ZNF33B: variants seen among roughly 807,000 people sequenced by gnomAD.
The protein encoded by ZNF33B is zinc finger protein 11b (KOX 2).
Under a neutral mutation model 45.8 loss-of-function variants are expected in ZNF33B, and 29 were observed. That is an observed-to-expected ratio of 0.63 (90% CI 0.47 to 0.86). The LOEUF is 0.86. Ranked by LOEUF, ZNF33B falls within the 40% of genes least tolerant of loss-of-function variation. The pLI is 0.00. For missense variants in ZNF33B, 831 were observed against 909.9 expected (o/e 0.91, Z 1.12); for synonymous variants, 305 against 307.8 (o/e 0.99, Z 0.10).
intron 4 of ZNF33B, among the ~76,000 whole-genome samples, chr10:42,614,070 A>C (rs1838212570): frequency 6.6e-6 from 1 of 152,244 alleles, no homozygotes; most frequent in African/African-American, 2.4e-5. Context: ...AATAGGAAGA[A>C]GATGTAACTT....
rs1399664859 is a variant in ZNF33B at position 42,616,517 on chromosome 10, CA to C, written c.250+15411del. On this transcript the variant is annotated intron_variant, in intron 4 of 4. Coordinates refer to ENST00000359467, the MANE Select transcript of ZNF33B (RefSeq NM_006955.3). The stretch of plus-strand genomic sequence containing the variant: ...TACAGATAATCAAATCGTCTGCACA[CA>C]AAATGAAAATTTGACTTCCCAACCT... Among the ~76,000 whole-genome samples, 3 of 152,208 alleles carry C rather than the reference CA, an allele frequency of 2.0e-5. No homozygotes were observed. In the East Asian group the frequency reaches 5.8e-4, roughly 29 times the overall value.
rs559548653 is a variant in ZNF33B, at chr10:42,605,104, C to A, written c.251-10405G>T. 2.0e-5 allele frequency: 3 copies of A among 151,502 alleles called. No individual in the cohort carries two copies. The East Asian group carries it at 5.8e-4, about 29-fold the overall frequency. 9.4% of individuals were successfully genotyped at this position (151,502 alleles called of 1,614,324 possible). Reference sequence around the variant, plus strand: ...CACCAATATATTCATAATAGAAGTACCAGAAGGAGGGGAAAAATATCAAGT... The same window carrying A: ...CACCAATATATTCATAATAGAAGTAACAGAAGGAGGGGAAAAATATCAAGT... On this transcript the variant is annotated intron_variant, in intron 4 of 4. Coordinates refer to ENST00000359467, the MANE Select transcript of ZNF33B (RefSeq NM_006955.3).
Position 42,632,345 on chromosome 10 carries a change from G to A in ZNF33B, c.104C>T (p.Ala35Val), listed in dbSNP as rs746703337. ...CTCCAGCATCACATCTCTATACAGA[G>A]CCCTCTGACTAGGGTCCAGGTGCTG... Reference protein sequence around the residue: ...EWQHLDPSQRALYRDVMLENY... With the variant: ...EWQHLDPSQRVLYRDVMLENY... The change falls in exon 3 of 5, where the codon GCT (alanine) becomes GTT (valine). Residue 35 changes from alanine (A) to valine (V), a missense_variant. Physicochemically the swap from Ala to Val is moderately conservative, Grantham distance 64. Transcript: ENST00000359467. 2.5e-6 allele frequency: 4 copies of A among 1,613,634 alleles called. No homozygotes were observed. Among genetic ancestry groups the A allele is most frequent in the Non-Finnish European group, 3.4e-6 (4 of 1,179,906 alleles).
chr10:42,633,357 G>C (rs888856036), intron 2 of ZNF33B, among the ~76,000 whole-genome samples: 2 of 152,158 alleles, frequency 1.3e-5, no homozygotes, highest in African/African-American at 4.8e-5. Flanking sequence ...AAAAGGGAGA[G>C]CCAAAGATGA....
chr10:42,606,772 C>T (rs1020978497), intron 4 of ZNF33B, among the ~76,000 whole-genome samples: 15 of 142,206 alleles, frequency 1.1e-4, no homozygotes, highest in East Asian at 6.3e-4. Context: ...CCATGTTCTG[C>T]ACATGTATCA....
chr10:42,621,561 A>G (rs186642504), intron 4 of ZNF33B, among the ~76,000 whole-genome samples: 3 of 152,178 alleles, frequency 2.0e-5, no homozygotes, highest in Non-Finnish European at 2.9e-5. Flanking sequence ...AAAAGAAAAG[A>G]AAATGAATGT....
chr10:42,593,680 G>A lies in ZNF33B; in HGVS notation c.1270C>T (p.Gln424Ter). The stretch of plus-strand genomic sequence containing the variant: ...TGATGTTTAGTGAGGTCAGATTTCT[G>A]GTAAAAAGTTTTCCCACATGCATTA... ...QCNACGKTFY[Q>*]KSDLTKHQRT... is the part of the protein sequence containing the mutation. Residue 424 changes from glutamine to a stop codon, truncating the protein, a stop_gained, in exon 5 of 5, where the codon CAG (glutamine) becomes TAG (stop). Coordinates refer to ENST00000359467, the MANE Select transcript of ZNF33B (RefSeq NM_006955.3). LOFTEE classifies it high-confidence loss of function. 5 of 1,613,374 alleles carry A rather than the reference G, an allele frequency of 3.1e-6. No homozygotes were observed. The highest frequency in any genetic ancestry group is 4.2e-6 in the Non-Finnish European group (5 of 1,179,562).
At chr10:42,598,760 G>A (rs1283166619) in intron 4 of ZNF33B, among the ~76,000 whole-genome samples, 1 of 152,118 alleles carries the variant, frequency 6.6e-6, no homozygotes, top group African/African-American at 2.4e-5. Flanking sequence ...TTGGTCATGA[G>A]GTATTAATAA....
chr10:42,631,001 G>T (rs908459770), intron 4 of ZNF33B, among the ~76,000 whole-genome samples: 1 of 152,064 alleles, frequency 6.6e-6, no homozygotes, highest in Admixed American at 6.6e-5. Flanking sequence ...GCTGAAAAGA[G>T]GCAGAATCCT....
Position 42,591,029 on chromosome 10 carries a change from G to C in ZNF33B, c.*1584C>G, listed in dbSNP as rs1837099879. ...AGGGTCACCAGACTGTAAAATCTTA[G>C]ATTATTTGTATGATCTGATCATGTA... On this transcript the variant is annotated 3_prime_UTR_variant, in exon 5 of 5. Transcript: ENST00000359467. The C allele has an allele frequency of 5.5e-6, 1 of 183,454 alleles. No individual in the cohort carries two copies. Among genetic ancestry groups the C allele is most frequent in the South Asian group, 1.9e-4 (1 of 5,402 alleles). The allele number at this position is 183,454 out of a possible 1,614,324, so 11.4% of individuals were successfully genotyped here.
chr10:42,600,938 A>G (rs927213987), intron 4 of ZNF33B, among the ~76,000 whole-genome samples: 2 of 152,160 alleles, frequency 1.3e-5, no homozygotes, highest in Admixed American at 6.5e-5. Flanking sequence ...CCCTGAGTAG[A>G]TCCAGATTTC....
chr10:42,593,806 C>T lies in ZNF33B; in HGVS notation c.1144G>A (p.Glu382Lys), dbSNP rs369363135. Residue 382 changes from glutamate (E) to lysine (K), a missense_variant, in exon 5 of 5, where the codon GAG (glutamate) becomes AAG (lysine). Transcript: ENST00000359467. ...CATTCATTGCATTCAAAAGGTTTCT[C>T]CCCTGTGTGTGATCTCTGATGTTTA... ...LTKHQRSHTG[E>K]KPFECNECGK... The T allele has an allele frequency of 2.5e-6, 4 of 1,614,000 alleles. No homozygotes were observed. The highest frequency in any genetic ancestry group is 3.3e-5 in the Admixed American group (2 of 60,004).
rs1179171719 is a variant in ZNF33B at position 42,631,835 on chromosome 10, C to T, written c.250+94G>A. 5.6e-6 allele frequency: 6 copies of T among 1,062,598 alleles called. No homozygotes were observed. In the African/African-American group the frequency reaches 6.2e-5, roughly 11 times the overall value. 65.8% of individuals were successfully genotyped at this position (1,062,598 alleles called of 1,614,324 possible). ...AGGTTAGGACCCCTATGGAGATGTT[C>T]TTGAAAAATGTTCCAAAGTTGCCAA... On this transcript the variant is annotated intron_variant, in intron 4 of 4. Coordinates refer to ENST00000359467, the MANE Select transcript of ZNF33B (RefSeq NM_006955.3).
At position 42,625,036 on chromosome 10, in the gene ZNF33B, TTTTA is replaced by T. The variant is rs1213185265; in HGVS notation, c.250+6889_250+6892del. Among the ~76,000 whole-genome samples the T allele has an allele frequency of 3.0e-4, 19 of 63,618 alleles. No homozygotes were observed. In the East Asian group the frequency reaches 9.9e-3, roughly 33 times the overall value. 41.7% of individuals were successfully genotyped at this position (63,618 alleles called of 152,430 possible). ...AAAAATTTCTCAAAATTGTTTCATA[TTTTA>T]TATATATATATATATATATATGGTT... On this transcript the variant is annotated intron_variant, in intron 4 of 4. Coordinates refer to ENST00000359467, the MANE Select transcript of ZNF33B (RefSeq NM_006955.3).
intron 4 of ZNF33B, among the ~76,000 whole-genome samples, chr10:42,629,439 T>C (rs1047915137): frequency 9.2e-5 from 14 of 152,170 alleles, no homozygotes; most frequent in African/African-American, 3.4e-4. Context: ...TTAAAGTGAC[T>C]AAAAGAGTGT....
chr10:42,612,715 TA>T, intron 4 of ZNF33B, among the ~76,000 whole-genome samples: 1 of 152,324 alleles, frequency 6.6e-6, no homozygotes, highest in Non-Finnish European at 1.5e-5. Context: ...AATAGCCTTT[TA>T]AAAAAGTGTT....
chr10:42,593,877 T>C lies in ZNF33B; in HGVS notation c.1073A>G (p.Gln358Arg). 1 of 1,614,108 alleles carries C rather than the reference T, an allele frequency of 6.2e-7. No homozygotes were observed. The highest frequency in any genetic ancestry group is 8.5e-7 in the Non-Finnish European group (1 of 1,179,982). The change falls in exon 5 of 5, where the codon CAA becomes CGA. Residue 358 changes from glutamine (Q) to arginine (R), a missense_variant. Physicochemically the swap from Gln to Arg is conservative, Grantham distance 43 (BLOSUM62 1). Transcript: ENST00000359467. ...QRVHTGEKHF[Q>R]CNQCGKTFWE... ...GAAAGTTTTTCCACATTGATTACAT[T>C]GAAAGTGTTTCTCTCCTGTGTGCAC...
intron 1 of ZNF33B, among the ~76,000 whole-genome samples, chr10:42,637,243 T>A (rs1839347192): frequency 6.6e-6 from 1 of 152,184 alleles, no homozygotes; most frequent in South Asian, 2.1e-4. Flanking sequence ...TCTCCCTCAG[T>A]CTTCACAAAA....
rs1249039520 is a variant in ZNF33B, at chr10:42,592,946, G to A, written c.2004C>T (p.Asn668=). 19 of 1,611,520 alleles carry A rather than the reference G, an allele frequency of 1.2e-5. No individual in the cohort carries two copies. The highest frequency in any genetic ancestry group is 2.2e-5 in the East Asian group (1 of 44,612). Residue 668 remains asparagine, a synonymous_variant, in exon 5 of 5, where the codon AAC becomes AAT. Transcript: ENST00000359467. The part of the protein sequence containing the change: ...THTQEKPYKC[N]ECGKSFCVKS... ...TCACACAGAAAGATTTTCCACATTCGTTACATTTATAAGGCTTTTCTTGTG... is the reference window on the plus strand; with the variant it reads ...TCACACAGAAAGATTTTCCACATTCATTACATTTATAAGGCTTTTCTTGTG...
Sources: gnomAD v4.1 joint callset for allele counts (sites outside exome capture counted in the v4.1 genomes callset) on GRCh38, gnomAD v4.1.1 for gene constraint, MANE v1.5 for transcripts, NCBI Gene and HGNC (gene_info 2026-07-23, HGNC 2026-07-21) for gene names.